IL1RAPL1: variants seen among roughly 807,000 people sequenced by gnomAD.
The protein encoded by IL1RAPL1 is interleukin-1 receptor accessory protein-like 1.
A neutral mutation model predicts 48.4 loss-of-function variants in IL1RAPL1; 3 were observed. That is an observed-to-expected ratio of 0.06 (90% CI 0.03 to 0.16). The LOEUF is 0.16. IL1RAPL1 is among the 10% of genes least tolerant of loss of function. The probability of loss-of-function intolerance (pLI) is 1.00; values close to 1 mark genes in which losing one functional copy is unlikely to be tolerated. For synonymous variants in IL1RAPL1, 185 were observed against 187.7 expected (o/e 0.99, Z 0.12); for missense variants, 349 against 530.6 (o/e 0.66, Z 3.36).
At chrX:29,213,471 A>G (rs937515477) in intron 2 of IL1RAPL1, among the ~76,000 whole-genome samples, 1 of 112,698 alleles carries the variant, frequency 8.9e-6, no homozygotes, top group African/African-American at 3.2e-5. Flanking sequence ...CAAAGAGCAG[A>G]ATGTGTAATT....
intron 6 of IL1RAPL1, among the ~76,000 whole-genome samples, chrX:29,874,339 T>C (rs888375201): frequency 1.8e-5 from 2 of 112,172 alleles, no homozygotes; most frequent in African/African-American, 6.5e-5. Context: ...CTAAGGCAGC[T>C]TAAAGCTATT....
chrX:28,593,872 G>T (rs1417892735), intron 1 of IL1RAPL1, among the ~76,000 whole-genome samples: 2 of 110,883 alleles, frequency 1.8e-5, no homozygotes, highest in Admixed American at 9.7e-5. Flanking sequence ...CTGGTGCAAA[G>T]TTCCCTTTTT....
At chrX:28,646,601 G>T (rs1413008666) in intron 1 of IL1RAPL1, among the ~76,000 whole-genome samples, 1 of 112,463 alleles carries the variant, frequency 8.9e-6, no homozygotes, top group Admixed American at 9.4e-5. Flanking sequence ...AAAGAGCAGA[G>T]CAGTGTGGCA....
rs138575257 is a variant in IL1RAPL1, at chrX:29,514,817, A to T, written c.703+115509A>T. On this transcript the variant is annotated intron_variant, in intron 5 of 10. Coordinates refer to ENST00000378993, the MANE Select transcript of IL1RAPL1 (RefSeq NM_014271.4). ...TATTTAATATAAGCACAATCTGATT[A>T]AAAAAAATCAAAGTTCCTGTCTAAA... is the stretch of plus-strand genomic sequence containing the variant. 3.2e-4 allele frequency among the ~76,000 whole-genome samples: 36 copies of T among 112,791 alleles called. No homozygotes were observed. The East Asian group carries it at 6.9e-3, about 22-fold the overall frequency.
At chrX:29,782,182 GGAGA>G (rs758047818) in intron 6 of IL1RAPL1, among the ~76,000 whole-genome samples, 1 of 108,983 alleles carries the variant, frequency 9.2e-6, no homozygotes, top group African/African-American at 3.4e-5. Flanking sequence ...AGGTAGGGGA[GGAGA>G]GAGAGAGAGG....
intron 6 of IL1RAPL1, among the ~76,000 whole-genome samples, chrX:29,717,505 A>G (rs143261777): frequency 8.9e-6 from 1 of 112,472 alleles, no homozygotes; most frequent in African/African-American, 3.2e-5. Flanking sequence ...TTGCTGAAGA[A>G]AGAATAATTC....
chrX:29,049,642 A>T (rs1352922597), intron 2 of IL1RAPL1, among the ~76,000 whole-genome samples: 3 of 112,397 alleles, frequency 2.7e-5, no homozygotes, highest in Non-Finnish European at 3.7e-5. Context: ...ATTGACTAGC[A>T]CATAGTACTT....
At chrX:28,774,719 G>GA (rs1196987599) in intron 1 of IL1RAPL1, among the ~76,000 whole-genome samples, 1 of 111,248 alleles carries the variant, frequency 9.0e-6, no homozygotes, top group Non-Finnish European at 1.9e-5. Context: ...AAAGGTGGGG[G>GA]ATTACACAAG....
chrX:29,144,800 C>T (rs1453996488), intron 2 of IL1RAPL1, among the ~76,000 whole-genome samples: 1 of 104,193 alleles, frequency 9.6e-6, no homozygotes, highest in Non-Finnish European at 2.0e-5. Flanking sequence ...AATCTCAGCT[C>T]ACTTCAACCT....
intron 1 of IL1RAPL1, among the ~76,000 whole-genome samples, chrX:28,707,412 T>C (rs1259637085): frequency 1.8e-5 from 2 of 112,398 alleles, no homozygotes; most frequent in Non-Finnish European, 3.7e-5. Flanking sequence ...GGTGCTAACA[T>C]ACTTGTGCAA....
chrX:28,788,644 T>TTC (rs1457733005), intron 1 of IL1RAPL1, among the ~76,000 whole-genome samples: 1 of 107,636 alleles, frequency 9.3e-6, no homozygotes. Flanking sequence ...TTTTTTTTTT[T>TTC]TTTGTAGTGA....
At chrX:28,782,643 T>C (rs930520832) in intron 1 of IL1RAPL1, among the ~76,000 whole-genome samples, 1 of 112,165 alleles carries the variant, frequency 8.9e-6, no homozygotes, top group African/African-American at 3.2e-5. Flanking sequence ...TGATTTTCTA[T>C]TCCTTGGACC....
intron 3 of IL1RAPL1, among the ~76,000 whole-genome samples, chrX:29,388,623 T>C (rs1569300612): frequency 1.8e-5 from 2 of 112,346 alleles, no homozygotes; most frequent in East Asian, 5.6e-4. Flanking sequence ...TACTGATGCA[T>C]ACTACAGCGT....
chrX:28,864,610 T>C (rs7886127), intron 2 of IL1RAPL1, among the ~76,000 whole-genome samples: 2,992 of 111,204 alleles, frequency 0.027, 97 homozygotes, highest in African/African-American at 0.093. Context: ...GAGCAAGTCA[T>C]GTGAAGATCT....
chrX:29,385,867 G>T (rs1230578265), intron 3 of IL1RAPL1, among the ~76,000 whole-genome samples: 1 of 111,715 alleles, frequency 9.0e-6, no homozygotes, highest in East Asian at 2.8e-4. Flanking sequence ...CCTAGGAGAG[G>T]TGTTGTTGGA....
At chrX:28,695,348 G>T (rs1301060115) in intron 1 of IL1RAPL1, among the ~76,000 whole-genome samples, 1 of 110,526 alleles carries the variant, frequency 9.0e-6, no homozygotes, top group African/African-American at 3.3e-5. Flanking sequence ...AAATGAAGGG[G>T]TAAGAATTTG....
intron 2 of IL1RAPL1, among the ~76,000 whole-genome samples, chrX:28,898,325 G>C (rs766965901): frequency 8.9e-6 from 1 of 111,937 alleles, no homozygotes; most frequent in African/African-American, 3.2e-5. Context: ...TGAATAACTA[G>C]TAAGTCTGCC....
intron 2 of IL1RAPL1, among the ~76,000 whole-genome samples, chrX:29,061,923 T>C (rs1927351281): frequency 8.9e-6 from 1 of 112,254 alleles, no homozygotes; most frequent in Non-Finnish European, 1.9e-5. Flanking sequence ...AATTTAGCAT[T>C]ATGGATTTAC....
chrX:29,278,469 C>A (rs1932150872), intron 2 of IL1RAPL1, among the ~76,000 whole-genome samples: 1 of 111,615 alleles, frequency 9.0e-6, no homozygotes, highest in Non-Finnish European at 1.9e-5. Flanking sequence ...TGTGAAAGAA[C>A]GTGTACTGCA....
Sources: gnomAD v4.1 joint callset for allele counts (sites outside exome capture counted in the v4.1 genomes callset) on GRCh38, gnomAD v4.1.1 for gene constraint, MANE v1.5 for transcripts, NCBI Gene and HGNC (gene_info 2026-07-23, HGNC 2026-07-21) for gene names.